HNMT: variants seen among roughly 807,000 people sequenced by gnomAD.
HNMT encodes the protein histamine N-methyltransferase.
Under a neutral mutation model 32.1 loss-of-function variants are expected in HNMT, and 30 were observed. The observed-to-expected ratio is 0.93, with a 90% CI of 0.70 to 1.27. HNMT has a LOEUF of 1.27. HNMT is among the 50% of genes most tolerant of loss of function. HNMT has a pLI of 0.00. For missense variants in HNMT, 327 were observed against 346.0 expected, an observed-to-expected ratio of 0.95 and a Z score of 0.43; for synonymous variants, 125 against 119.0, an observed-to-expected ratio of 1.05 and a Z score of -0.33.
intron 2 of HNMT, among the ~76,000 whole-genome samples, chr2:137,994,415 A>G (rs1408153603): frequency 1.3e-5 from 2 of 152,210 alleles, no homozygotes; most frequent in Non-Finnish European, 1.5e-5. Context: ...ACCAACAAAG[A>G]TCAAAAAAGA....
In HNMT at chr2:138,014,807, CT is replaced by C. The variant is rs1161859360; in HGVS notation, c.*679del. ...CGGCTTCTGATACATTTTAAAAGACCTTCTAAAACCAAGGTTTTAGAATACT... is the reference window on the plus strand; with the variant it reads ...CGGCTTCTGATACATTTTAAAAGACCTCTAAAACCAAGGTTTTAGAATACT... On this transcript the variant is annotated 3_prime_UTR_variant, in exon 6 of 6. Coordinates refer to ENST00000280097, the MANE Select transcript of HNMT (RefSeq NM_006895.3). 6.6e-6 allele frequency: 1 copy of C among 151,600 alleles called. No homozygotes were observed. 9.4% of individuals were successfully genotyped at this position (151,600 alleles called of 1,614,324 possible).
chr2:137,998,960 A>G (rs1397923283), intron 2 of HNMT, among the ~76,000 whole-genome samples: 2 of 152,142 alleles, frequency 1.3e-5, no homozygotes, highest in African/African-American at 4.8e-5. Context: ...GCCCACAGCT[A>G]TTCTTACCAG....
At chr2:137,996,360 A>G (rs568938327) in intron 2 of HNMT, among the ~76,000 whole-genome samples, 41 of 152,346 alleles carry the variant, frequency 2.7e-4, no homozygotes, top group African/African-American at 9.4e-4. Flanking sequence ...AATCACAAGC[A>G]TTCCTTTACA....
rs1213461207 is a variant in HNMT, at chr2:138,016,280, A to T, written c.*2150A>T. On this transcript the variant is annotated 3_prime_UTR_variant, in exon 6 of 6. Coordinates refer to ENST00000280097, the MANE Select transcript of HNMT (RefSeq NM_006895.3). ...TATTTCCTTCTCAAACATTTATCTTATACCTTGTGTGTTCATATTATTATT... is the reference window on the plus strand; with the variant it reads ...TATTTCCTTCTCAAACATTTATCTTTTACCTTGTGTGTTCATATTATTATT... 6.6e-6 allele frequency: 1 copy of T among 152,162 alleles called. No individual in the cohort carries two copies. Among genetic ancestry groups the T allele is most frequent in the Non-Finnish European group, 1.5e-5 (1 of 68,024 alleles). 9.4% of individuals were successfully genotyped at this position (152,162 alleles called of 1,614,324 possible).
intron 2 of HNMT, among the ~76,000 whole-genome samples, chr2:137,993,478 A>G (rs1680888219): frequency 6.6e-6 from 1 of 152,184 alleles, no homozygotes; most frequent in Non-Finnish European, 1.5e-5. Context: ...AGACTAGAGA[A>G]AAAAGAATGA....
intron 2 of HNMT, 83 bp downstream of exon 2, chr2:137,970,300 G>T: frequency 5.0e-6 from 4 of 792,410 alleles, no homozygotes; most frequent in Admixed American, 2.8e-5. Flanking sequence ...TTTTTAGGAA[G>T]ACTTTTTTTT....
At chr2:137,995,026 G>C (rs1412206114) in intron 2 of HNMT, among the ~76,000 whole-genome samples, 1 of 152,124 alleles carries the variant, frequency 6.6e-6, no homozygotes, top group African/African-American at 2.4e-5. Flanking sequence ...AGTGTTAAGA[G>C]GGAAATTTAT....
chr2:137,966,925 T>C (rs772325529), intron 1 of HNMT, among the ~76,000 whole-genome samples: 19 of 152,194 alleles, frequency 1.2e-4, no homozygotes, highest in Non-Finnish European at 2.2e-4. Context: ...GGTCCTTTGT[T>C]TCCTGAACAA....
intron 2 of HNMT, among the ~76,000 whole-genome samples, chr2:137,971,734 C>A (rs568362639): frequency 6.6e-6 from 1 of 152,206 alleles, no homozygotes; most frequent in East Asian, 1.9e-4. Context: ...GAAGGCTATT[C>A]CCTTCTGCAA....
At chr2:137,965,668 A>C (rs1679935013) in intron 1 of HNMT, among the ~76,000 whole-genome samples, 1 of 152,214 alleles carries the variant, frequency 6.6e-6, no homozygotes, top group African/African-American at 2.4e-5. Context: ...CAAATAGCAA[A>C]TATAGAGAAC....
At chr2:137,986,259 T>C (rs184261953) in intron 2 of HNMT, among the ~76,000 whole-genome samples, 1 of 150,134 alleles carries the variant, frequency 6.7e-6, no homozygotes, top group African/African-American at 2.4e-5. Flanking sequence ...ATAATATAAA[T>C]ACAATTTATA....
At chr2:138,011,485 C>G (rs577873914) in intron 5 of HNMT, among the ~76,000 whole-genome samples, 1 of 152,000 alleles carries the variant, frequency 6.6e-6, no homozygotes, top group African/African-American at 2.4e-5. Flanking sequence ...TTATCCTAGG[C>G]TATTTATTAT....
At chr2:137,987,776 C>A (rs1309040604) in intron 2 of HNMT, among the ~76,000 whole-genome samples, 1 of 152,068 alleles carries the variant, frequency 6.6e-6, no homozygotes, top group Non-Finnish European at 1.5e-5. Context: ...TTGTTGGAAG[C>A]AAGCCTTTGC....
At chr2:137,984,825 G>T (rs1442016339) in intron 2 of HNMT, among the ~76,000 whole-genome samples, 1 of 152,100 alleles carries the variant, frequency 6.6e-6, no homozygotes, top group Non-Finnish European at 1.5e-5. Context: ...TGTAAGGAGT[G>T]ACTGTGAGTT....
intron 2 of HNMT, among the ~76,000 whole-genome samples, chr2:137,986,608 A>T (rs1680657816): frequency 6.6e-6 from 1 of 152,156 alleles, no homozygotes; most frequent in Non-Finnish European, 1.5e-5. Context: ...ATGTTTATCC[A>T]AATGTCTGAG....
chr2:138,012,099 CA>C (rs1364397269), intron 5 of HNMT, among the ~76,000 whole-genome samples: 3 of 151,898 alleles, frequency 2.0e-5, no homozygotes. Flanking sequence ...CTCAAGAATG[CA>C]ATCAGTGGAA....
rs1265429400 is a variant in HNMT at position 138,014,255 on chromosome 2, T to C, written c.*125T>C. On this transcript the variant is annotated 3_prime_UTR_variant, in exon 6 of 6. Transcript: ENST00000280097. The stretch of plus-strand genomic sequence containing the variant: ...TAAAGCACTGTTTGGATATGAGATG[T>C]AGCAAATTCCAATACATTATTGGAC... 6 of 655,052 alleles carry C rather than the reference T, an allele frequency of 9.2e-6. No homozygotes were observed. The highest frequency in any genetic ancestry group is 2.7e-5 in the East Asian group (1 of 36,578). 40.6% of individuals were successfully genotyped at this position (655,052 alleles called of 1,614,324 possible). A position where few individuals can be genotyped will look rare whatever the true frequency, so the allele number is the denominator to read the frequency against.
chr2:137,986,618 G>A (rs1025486941), intron 2 of HNMT, among the ~76,000 whole-genome samples: 3 of 152,080 alleles, frequency 2.0e-5, no homozygotes, highest in East Asian at 1.9e-4. Flanking sequence ...AAATGTCTGA[G>A]CACTCCATGG....
rs1192475722 is a variant in HNMT at position 137,964,566 on chromosome 2, T to C, written c.75T>C (p.His25=). ...AATCTTTCCGGAGGTTTCTCAACCA[T>C]TCCACGGAACACCAGTGCATGCAGG... ...YVESFRRFLN[H]STEHQCMQEF... Residue 25 remains histidine (H), a synonymous_variant, in exon 1 of 6, where the codon CAT becomes CAC. Coordinates refer to ENST00000280097, the MANE Select transcript of HNMT (RefSeq NM_006895.3). 4 of 1,613,670 alleles carry C rather than the reference T, an allele frequency of 2.5e-6. No homozygotes were observed. The East Asian group carries it at 8.9e-5, about 36-fold the overall frequency.
Sources: gnomAD v4.1 joint callset for allele counts (sites outside exome capture counted in the v4.1 genomes callset) on GRCh38, gnomAD v4.1.1 for gene constraint, MANE v1.5 for transcripts, NCBI Gene and HGNC (gene_info 2026-07-23, HGNC 2026-07-21) for gene names.